Variants in DNAJB14 observed in about 807,000 individuals in gnomAD.
The protein encoded by DNAJB14 is DnaJ heat shock protein family (Hsp40) member B14.
A neutral mutation model predicts 48.4 loss-of-function variants in DNAJB14; 22 were observed. The ratio of observed to expected loss-of-function variants is 0.45; its 90% CI spans 0.32 to 0.65. The LOEUF is 0.65. Ranked by LOEUF, DNAJB14 falls within the 30% of genes least tolerant of loss-of-function variation. The pLI is 0.03. For missense variants in DNAJB14, 319 were observed against 458.8 expected (o/e 0.70, Z 2.78); for synonymous variants, 142 against 158.7 (o/e 0.89, Z 0.79).
At chr4:99,919,668 T>C (rs1188600885) in intron 3 of DNAJB14, among the ~76,000 whole-genome samples, 1 of 152,184 alleles carries the variant, frequency 6.6e-6, no homozygotes, top group Admixed American at 6.5e-5. Context: ...CCCTACCTAG[T>C]TGGTCTGCCT....
Position 99,946,480 on chromosome 4 carries a change from A to G in DNAJB14, c.92T>C (p.Leu31Pro). ...AGNREKAQRF[L>P]QKAEKLYPLP... Reference sequence around the variant, plus strand: ...TGGGTAGAGCTTCTCGGCCTTCTGCAGGAAGCGCTGGGCCTTCTCGCGGTT... The same window carrying G: ...TGGGTAGAGCTTCTCGGCCTTCTGCGGGAAGCGCTGGGCCTTCTCGCGGTT... Residue 31 changes from leucine (L) to proline (P), a missense_variant, in exon 1 of 8, where the codon CTG (leucine) becomes CCG (proline). Transcript: ENST00000442697. 1 of 1,613,616 alleles carries G rather than the reference A, an allele frequency of 6.2e-7. No individual in the cohort carries two copies. The highest frequency in any genetic ancestry group is 8.5e-7 in the Non-Finnish European group (1 of 1,179,726).
At chr4:99,933,231 T>C (rs1435343577) in intron 1 of DNAJB14, among the ~76,000 whole-genome samples, 1 of 151,838 alleles carries the variant, frequency 6.6e-6, no homozygotes, top group Non-Finnish European at 1.5e-5. Flanking sequence ...CAATAAAGTA[T>C]GTATATATAT....
At chr4:99,906,970 G>T (rs918146220) in intron 4 of DNAJB14, among the ~76,000 whole-genome samples, 2 of 152,092 alleles carry the variant, frequency 1.3e-5, no homozygotes, top group Non-Finnish European at 2.9e-5. Flanking sequence ...ATTTATCAAT[G>T]AATCATAAAC....
chr4:99,929,461 T>C (rs1292005337), intron 2 of DNAJB14: 1 of 152,184 alleles, frequency 6.6e-6, no homozygotes, highest in Non-Finnish European at 1.5e-5. Flanking sequence ...AGCATTTAAA[T>C]ATATAGGGAC....
rs545560600 is a variant in DNAJB14, at chr4:99,939,118, T to C, written c.133+7321A>G. On this transcript the variant is annotated intron_variant, in intron 1 of 7. Transcript: ENST00000442697. ...GGCTCACGCCTGTAATCCCAGCACT[T>C]TGGGAGGTTGAGGTGGGTAGATCAC... Among the ~76,000 whole-genome samples, 4 of 152,278 alleles carry C rather than the reference T, an allele frequency of 2.6e-5. No individual in the cohort carries two copies. In the South Asian group the frequency reaches 8.3e-4, roughly 32 times the overall value.
intron 3 of DNAJB14, among the ~76,000 whole-genome samples, chr4:99,919,100 G>C (rs918449304): frequency 1.3e-5 from 2 of 151,944 alleles, no homozygotes; most frequent in Non-Finnish European, 2.9e-5. Flanking sequence ...GTGTGGGTCA[G>C]GGTGGGGCCA....
intron 3 of DNAJB14, among the ~76,000 whole-genome samples, chr4:99,916,694 C>G (rs1355233018): frequency 1.3e-5 from 2 of 151,890 alleles, no homozygotes; most frequent in Admixed American, 1.3e-4. Context: ...AGCGGTTGCT[C>G]TAGGTATTAT....
At chr4:99,925,814 G>A (rs1726230328) in intron 2 of DNAJB14, 1 of 152,064 alleles carries the variant, frequency 6.6e-6, no homozygotes, top group Non-Finnish European at 1.5e-5. Flanking sequence ...GAAAGGAAGG[G>A]CAGGCCTTCT....
chr4:99,907,837 A>G (rs1459014980), intron 4 of DNAJB14, among the ~76,000 whole-genome samples: 2 of 152,182 alleles, frequency 1.3e-5, no homozygotes, highest in African/African-American at 2.4e-5. Context: ...CTAAAGCTAT[A>G]ATTTTAAGTA....
intron 1 of DNAJB14, among the ~76,000 whole-genome samples, chr4:99,934,041 G>A (rs1420033467): frequency 6.6e-6 from 1 of 152,114 alleles, no homozygotes; most frequent in Non-Finnish European, 1.5e-5. Context: ...AGGCATGGAA[G>A]ACTCTAGTCA....
chr4:99,932,045 T>C (rs1428530258), intron 1 of DNAJB14, among the ~76,000 whole-genome samples: 1 of 152,056 alleles, frequency 6.6e-6, no homozygotes, highest in Non-Finnish European at 1.5e-5. Flanking sequence ...TGAATCTAAG[T>C]GTAAGAGCTA....
intron 3 of DNAJB14, among the ~76,000 whole-genome samples, chr4:99,914,428 G>C (rs1299939920): frequency 6.6e-6 from 1 of 152,098 alleles, no homozygotes. Flanking sequence ...CTTACTCATA[G>C]GTGGGAATTG....
chr4:99,924,306 ATT>A (rs11343224), intron 2 of DNAJB14: 130 of 138,390 alleles, frequency 9.4e-4, no homozygotes, highest in African/African-American at 1.2e-3. Flanking sequence ...AAGAGACAAG[ATT>A]TTTTTTTTTT....
Position 99,940,054 on chromosome 4 carries a change from C to T in DNAJB14, c.133+6385G>A, listed in dbSNP as rs563695837. The stretch of plus-strand genomic sequence containing the variant: ...TAATCTGCATGTAATTTAGTATATT[C>T]CATATTAAAGACCAATGAAAAAGTT... On this transcript the variant is annotated intron_variant, in intron 1 of 7. Transcript: ENST00000442697. Among the ~76,000 whole-genome samples the T allele has an allele frequency of 8.3e-4, 126 of 152,090 alleles. 1 individual carries two copies. In the South Asian group the frequency reaches 0.025, roughly 31 times the overall value.
intron 3 of DNAJB14, among the ~76,000 whole-genome samples, chr4:99,919,139 G>A (rs1263523889): frequency 2.0e-5 from 3 of 152,138 alleles, no homozygotes; most frequent in Non-Finnish European, 2.9e-5. Flanking sequence ...TTGCAGTAGA[G>A]TGGCTACTGT....
In DNAJB14 at chr4:99,898,484, T is replaced by C. The variant is rs983453506; in HGVS notation, c.*2544A>G. ...GACTAAATGACTAGCACCAGTCTATTTGGGAACTAAGGAATCAAAAGAAGA... is the reference window on the plus strand; with the variant it reads ...GACTAAATGACTAGCACCAGTCTATCTGGGAACTAAGGAATCAAAAGAAGA... On this transcript the variant is annotated 3_prime_UTR_variant, in exon 8 of 8. Transcript: ENST00000442697. 1 of 151,976 alleles carries C rather than the reference T, an allele frequency of 6.6e-6. No homozygotes were observed. The highest frequency in any genetic ancestry group is 1.5e-5 in the Non-Finnish European group (1 of 67,848). The allele number at this position is 151,976 out of a possible 1,614,324, so 9.4% of individuals were successfully genotyped here. A position where few individuals can be genotyped will look rare whatever the true frequency, so the allele number is the denominator to read the frequency against.
chr4:99,933,859 A>G (rs1726571597), intron 1 of DNAJB14, among the ~76,000 whole-genome samples: 1 of 152,224 alleles, frequency 6.6e-6, no homozygotes, highest in Non-Finnish European at 1.5e-5. Context: ...GTGGAGTATA[A>G]TACAGGGGCA....
At position 99,901,212 on chromosome 4, in the gene DNAJB14, A is replaced by G. The variant is rs1463870704; in HGVS notation, c.1016-60T>C. ...AAAATTTTTGTCACCTAGTTGCTTA[A>G]GCTCAAGTGATGCTTTACAGGAGCC... On this transcript the variant is annotated intron_variant, in intron 7 of 7. Transcript: ENST00000442697. 19 of 1,440,720 alleles carry G rather than the reference A, an allele frequency of 1.3e-5. No individual in the cohort carries two copies. The African/African-American group carries it at 1.8e-4, about 13-fold the overall frequency. The allele number at this position is 1,440,720 out of a possible 1,614,324, so 89.2% of individuals were successfully genotyped here. A position where few individuals can be genotyped will look rare whatever the true frequency, so the allele number is the denominator to read the frequency against.
At position 99,900,774 on chromosome 4, in the gene DNAJB14, T is replaced by G. The variant is rs1159077700; in HGVS notation, c.*254A>C. The G allele has an allele frequency of 3.4e-6, 1 of 298,050 alleles. No homozygotes were observed. The highest frequency in any genetic ancestry group is 2.2e-5 in the African/African-American group (1 of 46,034). The allele number at this position is 298,050 out of a possible 1,614,324, so 18.5% of individuals were successfully genotyped here. A position where few individuals can be genotyped will look rare whatever the true frequency, so the allele number is the denominator to read the frequency against. On this transcript the variant is annotated 3_prime_UTR_variant, in exon 8 of 8. Coordinates refer to ENST00000442697, the MANE Select transcript of DNAJB14 (RefSeq NM_001031723.4). ...CTACAGGTGTGATAATCCTTTCTCA[T>G]GACACTTTAGTTAGGAATCATGTAA...
Sources: gnomAD v4.1 joint callset for allele counts (sites outside exome capture counted in the v4.1 genomes callset) on GRCh38, gnomAD v4.1.1 for gene constraint, MANE v1.5 for transcripts, NCBI Gene and HGNC (gene_info 2026-07-23, HGNC 2026-07-21) for gene names.